BCLAF3: variants seen among roughly 807,000 people sequenced by gnomAD.
The protein encoded by BCLAF3 is BCLAF1 and THRAP3 family member 3, also known as transient octamer binding factor 1.
Under a neutral mutation model 51.2 loss-of-function variants are expected in BCLAF3, and 24 were observed. That is an observed-to-expected ratio of 0.47 (90% CI 0.34 to 0.66). The LOEUF (loss-of-function observed/expected upper bound fraction) is 0.66, where lower values mean the gene tolerates loss of function less well. Among genes scored for constraint, BCLAF3 ranks in the 30% least tolerant of loss-of-function variants. The pLI is 0.01. For missense variants in BCLAF3, 465 were observed against 525.1 expected, an observed-to-expected ratio of 0.89 and a Z score of 1.12; for synonymous variants, 152 against 176.6, an observed-to-expected ratio of 0.86 and a Z score of 1.10.
intron 1 of BCLAF3, among the ~76,000 whole-genome samples, chrX:19,979,599 G>A (rs2072544311): frequency 9.1e-6 from 1 of 110,333 alleles, no homozygotes; most frequent in Non-Finnish European, 1.9e-5. Context: ...TATCTCTGAG[G>A]TATGCCTGTA....
At chrX:19,969,424 T>C (rs1201755248) in intron 2 of BCLAF3, among the ~76,000 whole-genome samples, 2 of 112,157 alleles carry the variant, frequency 1.8e-5, no homozygotes, top group East Asian at 5.6e-4. Context: ...GCTCCTGCTC[T>C]CCCCCTTAAC....
chrX:19,981,285 G>T (rs1167337410), intron 1 of BCLAF3, among the ~76,000 whole-genome samples: 1 of 111,713 alleles, frequency 9.0e-6, no homozygotes, highest in Non-Finnish European at 1.9e-5. Flanking sequence ...AAAATAATCT[G>T]TATGATCTTG....
rs1249062632 is a variant in BCLAF3, at chrX:19,914,152, C to A, written c.*3153G>T. ...AATGCCTAGTCCTGGTGAATCTTAC[C>A]CCTTCTGCTGAGGTCCTGAGATGGA... is the stretch of plus-strand genomic sequence containing the variant. On this transcript the variant is annotated 3_prime_UTR_variant, in exon 12 of 12. Coordinates refer to ENST00000379682, the MANE Select transcript of BCLAF3 (RefSeq NM_001367774.2). The A allele has an allele frequency of 9.0e-6, 1 of 110,938 alleles. No homozygotes were observed. Among genetic ancestry groups the A allele is most frequent in the Non-Finnish European group, 1.9e-5 (1 of 52,975 alleles). The allele number at this position is 110,938 out of a possible 1,213,427, so 9.1% of individuals were successfully genotyped here. A position where few individuals can be genotyped will look rare whatever the true frequency, so the allele number is the denominator to read the frequency against.
intron 4 of BCLAF3, among the ~76,000 whole-genome samples, chrX:19,956,334 T>G (rs1317479717): frequency 1.8e-5 from 2 of 111,787 alleles, no homozygotes; most frequent in Non-Finnish European, 3.8e-5. Context: ...TATTCAGGGC[T>G]TACCACATGC....
chrX:19,951,532 G>A (rs2071476110), intron 7 of BCLAF3, among the ~76,000 whole-genome samples: 1 of 101,337 alleles, frequency 9.9e-6, no homozygotes, highest in South Asian at 4.4e-4. Flanking sequence ...GGAGGTGGAG[G>A]TTGCAGTGAG....
chrX:19,966,770 C>A, intron 2 of BCLAF3, 121 bp from the exon 3 acceptor site: 1 of 554,669 alleles, frequency 1.8e-6, no homozygotes, highest in South Asian at 3.1e-5. Flanking sequence ...AAACTAAATT[C>A]ATCAATTTGC....
chrX:19,922,966 ATTTCTCACTG>A (rs905824188), intron 11 of BCLAF3, among the ~76,000 whole-genome samples: 1 of 111,226 alleles, frequency 9.0e-6, no homozygotes, highest in African/African-American at 3.3e-5. Flanking sequence ...ACAATGCAAA[ATTTCTCACTG>A]TTAAAAGAAT....
At position 19,948,502 on chromosome X, in the gene BCLAF3, A is replaced by G. The variant is rs949165187; in HGVS notation, c.1745+2251T>C. Among the ~76,000 whole-genome samples, 3 of 111,134 alleles carry G rather than the reference A, an allele frequency of 2.7e-5. No homozygotes were observed. The Admixed American group carries it at 2.9e-4, about 11-fold the overall frequency. On this transcript the variant is annotated intron_variant, in intron 8 of 11. Transcript: ENST00000379682. ...AATGTCAGGCCAGTTGTGGTGGCTCATGCCTGTACTCCCAGCACTTTGGGA... is the reference window on the plus strand; with the variant it reads ...AATGTCAGGCCAGTTGTGGTGGCTCGTGCCTGTACTCCCAGCACTTTGGGA...
chrX:19,935,501 G>A, intron 10 of BCLAF3: 1 of 215,028 alleles, frequency 4.7e-6, no homozygotes, highest in Non-Finnish European at 8.5e-6. Context: ...CTTAAAGGGA[G>A]GGTCTGCAGC....
chrX:19,958,402 T>C (rs542181184), intron 4 of BCLAF3, among the ~76,000 whole-genome samples: 4 of 112,093 alleles, frequency 3.6e-5, no homozygotes, highest in East Asian at 5.6e-4. Flanking sequence ...ACGACACATA[T>C]AAAGTTTTCC....
chrX:19,938,558 G>A (rs748411138), intron 8 of BCLAF3, among the ~76,000 whole-genome samples: 2 of 111,871 alleles, frequency 1.8e-5, no homozygotes, highest in East Asian at 2.8e-4. Context: ...ATCACACCCC[G>A]CTAATTTTTT....
chrX:19,967,244 A>T (rs2072086912), intron 2 of BCLAF3, among the ~76,000 whole-genome samples: 1 of 111,806 alleles, frequency 8.9e-6, no homozygotes, highest in African/African-American at 3.3e-5. Context: ...AACAAAACAT[A>T]TGTACTTAAC....
intron 4 of BCLAF3, 110 bp from the exon 5 acceptor site, chrX:19,955,676 T>G: frequency 1.7e-6 from 1 of 601,185 alleles, no homozygotes. Context: ...TCTTTTCTTA[T>G]AATTAAGGCA....
intron 10 of BCLAF3, among the ~76,000 whole-genome samples, chrX:19,933,427 G>A (rs184722255): frequency 1.2e-3 from 138 of 111,968 alleles, no homozygotes; most frequent in African/African-American, 4.1e-3. Flanking sequence ...AAACAAATGC[G>A]CAAATGATGT....
At chrX:19,985,964 C>CA (rs971693791) in intron 1 of BCLAF3, among the ~76,000 whole-genome samples, 4 of 103,565 alleles carry the variant, frequency 3.9e-5, no homozygotes, top group African/African-American at 1.4e-4. Flanking sequence ...AAAAAACAAG[C>CA]AAAAAAAGAT....
In BCLAF3 at chrX:19,960,075, C is replaced by T. The variant is rs182355128; in HGVS notation, c.1275-4509G>A. ...CCTCCCAAAGTGCTGGGATTACAGGCGTGGGCCACCATGCCCAGCCAGACT... is the reference window on the plus strand; with the variant it reads ...CCTCCCAAAGTGCTGGGATTACAGGTGTGGGCCACCATGCCCAGCCAGACT... On this transcript the variant is annotated intron_variant, in intron 4 of 11. Coordinates refer to ENST00000379682, the MANE Select transcript of BCLAF3 (RefSeq NM_001367774.2). 7.5e-3 allele frequency among the ~76,000 whole-genome samples: 839 copies of T among 112,030 alleles called. 4 individuals carry two copies. Among genetic ancestry groups the T allele is most frequent in the Middle Eastern group, 0.028 (6 of 216 alleles).
intron 11 of BCLAF3, among the ~76,000 whole-genome samples, chrX:19,921,571 C>T (rs914315565): frequency 6.4e-5 from 7 of 108,619 alleles, no homozygotes; most frequent in Non-Finnish European, 1.1e-4. Flanking sequence ...AGGAGGGTGG[C>T]GCATGCCTGT....
At chrX:19,935,407 T>C (rs150025520) in intron 10 of BCLAF3, 2,695 of 123,560 alleles carry the variant, frequency 0.022, 82 homozygotes, top group African/African-American at 0.082. Context: ...AAGGGTTGTG[T>C]GTCCATGGCA....
chrX:19,946,183 T>A (rs1193406176), intron 8 of BCLAF3, among the ~76,000 whole-genome samples: 1 of 111,409 alleles, frequency 9.0e-6, no homozygotes, highest in Non-Finnish European at 1.9e-5. Flanking sequence ...TGGCACTCCC[T>A]AGTGAGATGA....
Sources: gnomAD v4.1 joint callset for allele counts (sites outside exome capture counted in the v4.1 genomes callset) on GRCh38, gnomAD v4.1.1 for gene constraint, MANE v1.5 for transcripts, NCBI Gene and HGNC (gene_info 2026-07-23, HGNC 2026-07-21) for gene names.